Variants in COL5A1 observed in about 807,000 individuals in gnomAD.
The protein encoded by COL5A1 is collagen type V alpha 1 chain.
COL5A1 carries 16 observed loss-of-function variants against 263.7 expected under a neutral mutation model. That is an observed-to-expected ratio of 0.06 (90% CI 0.04 to 0.09). The LOEUF is 0.09. Among genes scored for constraint, COL5A1 ranks in the 10% least tolerant of loss-of-function variants. The pLI is 1.00. For missense variants in COL5A1, 2,036 were observed against 2,540.5 expected (o/e 0.80, Z 4.27); for synonymous variants, 1,012 against 1,004.5 (o/e 1.01, Z -0.14).
intron 4 of COL5A1, among the ~76,000 whole-genome samples, chr9:134,717,507 C>T (rs1834309836): frequency 6.6e-6 from 1 of 152,210 alleles, no homozygotes; most frequent in Admixed American, 6.5e-5. Context: ...CAGGTGAACC[C>T]AGCTCCAGAC....
At position 134,647,035 on chromosome 9, in the gene COL5A1, C is replaced by T. The variant is rs185530912; in HGVS notation, c.109+4739C>T. On this transcript the variant is annotated intron_variant, in intron 1 of 65. Coordinates refer to ENST00000371817, the MANE Select transcript of COL5A1 (RefSeq NM_000093.5). This position sits in a 1 kb window ranked among gnomAD's most constrained non-coding sequence, Gnocchi z 5.0. ...TGCAGGCTGCCTGACCTGTACTCGG[C>T]ACTGGCTGTGTGGGGACGTTACCAT... Among the ~76,000 whole-genome samples the T allele has an allele frequency of 6.6e-6, 1 of 152,312 alleles. No homozygotes were observed. The highest frequency in any genetic ancestry group is 2.4e-5 in the African/African-American group (1 of 41,570).
rs199755089 is a variant in COL5A1, at chr9:134,731,522, G to C, written c.1191G>C (p.Ala397=). 2 of 1,614,222 alleles carry C rather than the reference G, an allele frequency of 1.2e-6. No homozygotes were observed. Among genetic ancestry groups the C allele is most frequent in the African/African-American group, 1.3e-5 (1 of 75,068 alleles). ...SNPAPPPGEG[A]DDLEGEFTEE... is the part of the protein sequence containing the mutation. ...CAGCTCCGCCTCCAGGGGAAGGTGC[G>C]GATGACTTGGAGGGGGAGTTCACTG... is the stretch of plus-strand genomic sequence containing the variant. The change falls in exon 8 of 66, where the codon GCG becomes GCC. Residue 397 remains alanine, a synonymous_variant. Coordinates refer to ENST00000371817, the MANE Select transcript of COL5A1 (RefSeq NM_000093.5).
Position 134,700,625 on chromosome 9 carries a change from G to A in COL5A1, c.491+503G>A, listed in dbSNP as rs550860866. Among the ~76,000 whole-genome samples the A allele has an allele frequency of 9.2e-5, 14 of 152,272 alleles. No individual in the cohort carries two copies. Among genetic ancestry groups the A allele is most frequent in the South Asian group, 8.3e-4 (4 of 4,818 alleles). ...GGTCATGCCCTGATAATCTCCGAACGTCTTCAATACATGATTTCTGAATTC... is the reference window on the plus strand; with the variant it reads ...GGTCATGCCCTGATAATCTCCGAACATCTTCAATACATGATTTCTGAATTC... On this transcript the variant is annotated intron_variant, in intron 3 of 65. Transcript: ENST00000371817. This position sits in a 1 kb window ranked among gnomAD's most constrained non-coding sequence, Gnocchi z 4.0.
intron 4 of COL5A1, among the ~76,000 whole-genome samples, chr9:134,720,779 G>A (rs569258305): frequency 3.9e-5 from 6 of 152,298 alleles, no homozygotes; most frequent in African/African-American, 1.4e-4. Flanking sequence ...TGGGCTGGAC[G>A]TCTCCACATG....
intron 39 of COL5A1, 140 bp downstream of exon 39, chr9:134,803,135 GC>G: frequency 1.3e-6 from 1 of 764,666 alleles, no homozygotes; most frequent in South Asian, 1.5e-5. Context: ...TCCCCAGACC[GC>G]ACGTTTTGCT....
chr9:134,787,885 G>T (rs1837520837), intron 31 of COL5A1, among the ~76,000 whole-genome samples: 1 of 152,238 alleles, frequency 6.6e-6, no homozygotes, highest in Non-Finnish European at 1.5e-5. Context: ...GGTGGCAGGG[G>T]AGGGAGCATG....
At chr9:134,763,433 G>C (rs879691574) in intron 19 of COL5A1, among the ~76,000 whole-genome samples, 1 of 152,230 alleles carries the variant, frequency 6.6e-6, no homozygotes, top group Non-Finnish European at 1.5e-5. Context: ...TTTCTGCCCA[G>C]CCTTTCCTCT....
intron 39 of COL5A1, 143 bp downstream of exon 39, chr9:134,803,138 C>G (rs545152288): frequency 3.9e-6 from 3 of 761,870 alleles, no homozygotes; most frequent in Non-Finnish European, 2.3e-6. Flanking sequence ...CCAGACCGCA[C>G]GTTTTGCTCA....
intron 4 of COL5A1, among the ~76,000 whole-genome samples, chr9:134,721,492 C>T (rs530076802): frequency 5.8e-4 from 89 of 152,266 alleles, no homozygotes; most frequent in South Asian, 2.1e-3. Flanking sequence ...CCCACAGCCC[C>T]GAGGGCAGAG....
chr9:134,825,585 T>C (rs1236140893), intron 62 of COL5A1, among the ~76,000 whole-genome samples: 1 of 152,150 alleles, frequency 6.6e-6, no homozygotes, highest in African/African-American at 2.4e-5. Context: ...AGCTGTGTTC[T>C]TGGTGAATGA....
At chr9:134,685,650 A>C (rs1833043485) in intron 1 of COL5A1, among the ~76,000 whole-genome samples, 1 of 134,366 alleles carries the variant, frequency 7.4e-6, no homozygotes, top group Non-Finnish European at 1.6e-5. Flanking sequence ...CCATCCATGC[A>C]TCCATTCATC....
chr9:134,810,370 G>C, intron 44 of COL5A1, 62 bp downstream of exon 44: 1 of 1,499,796 alleles, frequency 6.7e-7, no homozygotes, highest in Admixed American at 1.7e-5. Context: ...GTCGCAGGCT[G>C]TAGGCCGTGT....
intron 1 of COL5A1, chr9:134,649,352 C>A: frequency 2.6e-6 from 1 of 390,632 alleles, no homozygotes; most frequent in Non-Finnish European, 5.1e-6. Flanking sequence ...CCTTTGATGA[C>A]TCAGACCTAA....
In COL5A1 at chr9:134,642,291, G is replaced by A. The variant is rs1170658868; in HGVS notation, c.104G>A (p.Arg35His). 1.8e-6 allele frequency: 2 copies of A among 1,094,886 alleles called. No homozygotes were observed. The highest frequency in any genetic ancestry group is 2.3e-6 in the Non-Finnish European group (2 of 876,524). The allele number at this position is 1,094,886 out of a possible 1,614,324, so 67.8% of individuals were successfully genotyped here. ...CTGCTGTGGGCGCCGCCTCCGAGCCGCGCAGGTAAGGGCGCCCCGGGGCGC... is the reference window on the plus strand; with the variant it reads ...CTGCTGTGGGCGCCGCCTCCGAGCCACGCAGGTAAGGGCGCCCCGGGGCGC... ...LLLLWAPPPS[R>H]AAQPADLLKV... The change falls in exon 1 of 66, where the codon CGC becomes CAC. Residue 35 changes from arginine (R) to histidine (H), a missense_variant. By Grantham distance (29) the Arg-to-His change is conservative (BLOSUM62 0). Around this residue, in one of 3 missense-constraint regions of COL5A1, gnomAD observed 600 missense variants for 634.5 expected, o/e 0.95. Transcript: ENST00000371817. This position sits in a 1 kb window ranked among gnomAD's most constrained non-coding sequence, Gnocchi z 4.5.
intron 2 of COL5A1, among the ~76,000 whole-genome samples, chr9:134,697,855 G>T (rs1041008550): frequency 2.0e-5 from 3 of 152,142 alleles, no homozygotes; most frequent in Non-Finnish European, 4.4e-5. Flanking sequence ...AGGCCAAGGC[G>T]GGTGGATCAC....
chr9:134,708,601 G>A (rs370712255), intron 4 of COL5A1: 15 of 518,750 alleles, frequency 2.9e-5, no homozygotes, highest in African/African-American at 2.7e-4. Context: ...CCCTGGCAGT[G>A]CTGAGGCAGC....
intron 18 of COL5A1, among the ~76,000 whole-genome samples, chr9:134,760,132 A>C (rs1588514826): frequency 1.1e-5 from 1 of 92,872 alleles, no homozygotes; most frequent in African/African-American, 4.4e-5. Context: ...ACACCCCCAC[A>C]CTCACATGTG....
chr9:134,656,567 C>T (rs1440830863), intron 1 of COL5A1, among the ~76,000 whole-genome samples: 1 of 152,114 alleles, frequency 6.6e-6, no homozygotes, highest in Admixed American at 6.5e-5. Context: ...GGTGTGGATG[C>T]AAAGCCCTAG....
chr9:134,685,400 AT>A (rs1833011721), intron 1 of COL5A1, among the ~76,000 whole-genome samples: 1 of 133,498 alleles, frequency 7.5e-6, no homozygotes, highest in African/African-American at 2.9e-5. Flanking sequence ...TCCATCCACC[AT>A]CCATCCATTA....
Sources: allele counts gnomAD v4.1 joint callset (sites outside exome capture counted in the v4.1 genomes callset), GRCh38; gene constraint gnomAD v4.1.1; regional missense constraint gnomAD v4.1.1; non-coding constraint Gnocchi (gnomAD v3.1); transcripts MANE v1.5; gene names NCBI Gene and HGNC (gene_info 2026-07-23, HGNC 2026-07-21).